NBDY: variants seen among roughly 807,000 people sequenced by gnomAD.
The protein encoded by NBDY is P-body dissociating protein.
At chrX:56,758,205 C>A (rs1007998299) in intron 2 of NBDY, among the ~76,000 whole-genome samples, 47 of 109,130 alleles carry the variant, frequency 4.3e-4, no homozygotes, top group African/African-American at 1.5e-3. Flanking sequence ...ATCTCAGCTA[C>A]TTTGGGAGGC....
At chrX:56,789,103 T>G (rs74700639) in intron 2 of NBDY, among the ~76,000 whole-genome samples, 17,733 of 112,377 alleles carry the variant, frequency 0.16, 1,434 homozygotes, top group Non-Finnish European at 0.25. Context: ...TCTTTCTCCA[T>G]TTGCTGCCAA....
chrX:56,755,928 T>G (rs939613311), intron 2 of NBDY, among the ~76,000 whole-genome samples: 3 of 104,502 alleles, frequency 2.9e-5, no homozygotes, highest in African/African-American at 1.0e-4. Flanking sequence ...TAAGAAAATG[T>G]GGCACATATA....
intron 2 of NBDY, among the ~76,000 whole-genome samples, chrX:56,744,407 C>T (rs893330098): frequency 9.0e-6 from 1 of 111,488 alleles, no homozygotes; most frequent in African/African-American, 3.3e-5. Flanking sequence ...GAAGACCTGT[C>T]CAATGTTTCC....
At chrX:56,762,739 C>T (rs773323499) in intron 2 of NBDY, among the ~76,000 whole-genome samples, 7 of 111,277 alleles carry the variant, frequency 6.3e-5, no homozygotes, top group African/African-American at 2.3e-4. Context: ...TGTATACAGG[C>T]AGGCTGTCTC....
rs958966936 is a variant in NBDY at position 56,782,438 on chromosome X, T to G, written c.*167-34882T>G. On this transcript the variant is annotated intron_variant, in intron 2 of 2. Transcript: ENST00000374922. ...CAGACAAGTGTTCTAGGAGACTGCT[T>G]CTTCTTTTGCTCCTTGGTGATTCAG... 4.3e-4 allele frequency among the ~76,000 whole-genome samples: 48 copies of G among 111,507 alleles called. 1 individual carries two copies. Among genetic ancestry groups the G allele is most frequent in the African/African-American group, 1.5e-3 (46 of 30,540 alleles).
At chrX:56,800,358 T>C (rs1329361111) in intron 2 of NBDY, among the ~76,000 whole-genome samples, 1 of 111,323 alleles carries the variant, frequency 9.0e-6, no homozygotes, top group Non-Finnish European at 1.9e-5. Flanking sequence ...ATGGGAAGGG[T>C]TCTTCAGCTT....
chrX:56,783,830 A>C (rs1230943366), intron 2 of NBDY, among the ~76,000 whole-genome samples: 1 of 112,662 alleles, frequency 8.9e-6, no homozygotes, highest in Non-Finnish European at 1.9e-5. Context: ...ATAAAACAAA[A>C]ACACACACAC....
intron 2 of NBDY, among the ~76,000 whole-genome samples, chrX:56,813,877 TTGTG>T (rs1311567004): frequency 8.9e-6 from 1 of 111,769 alleles, no homozygotes; most frequent in East Asian, 2.8e-4. Context: ...AGCTTCTTGG[TTGTG>T]TGTTTTTTCA....
intron 2 of NBDY, among the ~76,000 whole-genome samples, chrX:56,791,177 A>G (rs1010232580): frequency 3.9e-4 from 44 of 111,924 alleles, no homozygotes; most frequent in Admixed American, 3.5e-3. Flanking sequence ...CACTGTCTTT[A>G]CGTTTTGTCC....
At chrX:56,802,038 G>A (rs1294640973) in intron 2 of NBDY, among the ~76,000 whole-genome samples, 1 of 108,900 alleles carries the variant, frequency 9.2e-6, no homozygotes, top group African/African-American at 3.4e-5. Context: ...AGGCCCAGGG[G>A]TGCGGGCTCA....
At chrX:56,733,601 A>G (rs1413545456) in intron 2 of NBDY, among the ~76,000 whole-genome samples, 3 of 111,797 alleles carry the variant, frequency 2.7e-5, no homozygotes, top group African/African-American at 3.3e-5. Context: ...GAAACCTTCC[A>G]TAGTGCTGGT....
intron 2 of NBDY, among the ~76,000 whole-genome samples, chrX:56,807,621 G>GT (rs2069859348): frequency 9.0e-6 from 1 of 111,693 alleles, no homozygotes; most frequent in African/African-American, 3.3e-5. Context: ...GTGTTTGTCT[G>GT]TTCTTGGGGT....
intron 2 of NBDY, among the ~76,000 whole-genome samples, chrX:56,785,609 G>A (rs756329235): frequency 4.6e-4 from 51 of 111,324 alleles, no homozygotes; most frequent in Non-Finnish European, 7.5e-4. Context: ...GTGCGGGATG[G>A]GGTTGGGGTT....
chrX:56,767,931 T>C (rs2069676172), intron 2 of NBDY, among the ~76,000 whole-genome samples: 1 of 55,321 alleles, frequency 1.8e-5, no homozygotes, highest in Non-Finnish European at 3.3e-5. Context: ...AACTCCTCGC[T>C]GGCCCTTGGC....
rs5902560 is a variant in NBDY at position 56,801,977 on chromosome X, GACAC to G, written c.*167-15307_*167-15304del. ...ACACATGCACACTCACAAACTCATA[GACAC>G]ACACACACACACACACACACACACA... On this transcript the variant is annotated intron_variant, in intron 2 of 2. Coordinates refer to ENST00000374922, the MANE Select transcript of NBDY (RefSeq NM_001348129.2). Among the ~76,000 whole-genome samples, 557 of 99,600 alleles carry G rather than the reference GACAC, an allele frequency of 5.6e-3. 8 individuals are homozygous for G. Among genetic ancestry groups the G allele is most frequent in the South Asian group, 0.038 (75 of 1,990 alleles). 86.5% of individuals were successfully genotyped at this position (99,600 alleles called of 115,157 possible).
chrX:56,784,552 T>C (rs2069715858), intron 2 of NBDY, among the ~76,000 whole-genome samples: 1 of 112,107 alleles, frequency 8.9e-6, no homozygotes, highest in Non-Finnish European at 1.9e-5. Context: ...TCTTGGTCAT[T>C]CTGCATAAGT....
At chrX:56,765,987 C>T (rs1019224527) in intron 2 of NBDY, among the ~76,000 whole-genome samples, 1 of 111,589 alleles carries the variant, frequency 9.0e-6, no homozygotes, top group African/African-American at 3.3e-5. Context: ...GCTTCACATT[C>T]GTTCTTTAAG....
intron 2 of NBDY, among the ~76,000 whole-genome samples, chrX:56,790,523 TC>T (rs1371812727): frequency 8.9e-6 from 1 of 112,082 alleles, no homozygotes; most frequent in Non-Finnish European, 1.9e-5. Flanking sequence ...GATTCTTTTC[TC>T]ATAAGTAGGT....
chrX:56,808,276 G>T (rs1435640918), intron 2 of NBDY, among the ~76,000 whole-genome samples: 1 of 111,664 alleles, frequency 9.0e-6, no homozygotes, highest in Non-Finnish European at 1.9e-5. Flanking sequence ...TAAAAGTTGG[G>T]GAGTTAGGGA....
Sources: gnomAD v4.1 joint callset for allele counts (sites outside exome capture counted in the v4.1 genomes callset) on GRCh38, gnomAD v4.1.1 for gene constraint, MANE v1.5 for transcripts, NCBI Gene and HGNC (gene_info 2026-07-23, HGNC 2026-07-21) for gene names.